ZNF221: variants seen among roughly 807,000 people sequenced by gnomAD.
ZNF221 encodes zinc finger protein 221.
ZNF221 carries 10 observed loss-of-function variants against 12.6 expected under a neutral mutation model. The observed-to-expected ratio is 0.79, with a 90% CI of 0.49 to 1.34. ZNF221 has a LOEUF of 1.34. Among genes scored for constraint, ZNF221 ranks in the 40% most tolerant of loss-of-function variants. The probability of loss-of-function intolerance (pLI) is 0.00; values close to 1 mark genes in which losing one functional copy is unlikely to be tolerated. For missense variants in ZNF221, 661 were observed against 721.4 expected, an observed-to-expected ratio of 0.92 and a Z score of 0.96; for synonymous variants, 232 against 244.0, an observed-to-expected ratio of 0.95 and a Z score of 0.46.
chr19:43,981,076 T>A, the ZNF221 span, among the ~76,000 whole-genome samples: 1 of 145,418 alleles, frequency 6.9e-6, no homozygotes, highest in Non-Finnish European at 1.5e-5. Context: ...GACCTTGTTC[T>A]AAAAAAAAAA....
chr19:43,976,814 G>C, the ZNF221 span: 1 of 152,074 alleles, frequency 6.6e-6, no homozygotes, highest in East Asian at 1.9e-4. Context: ...TTTATTGTTG[G>C]CCATAAGAAT....
chr19:43,962,659 G>A, intron 1 of ZNF221, 66 bp from the exon 2 acceptor site: 1 of 1,438,144 alleles, frequency 7.0e-7, no homozygotes, highest in Non-Finnish European at 9.8e-7. Flanking sequence ...ACTTGTCTAT[G>A]TTGGTGGTCG....
chr19:43,967,623 T>A lies in ZNF221; in HGVS notation c.*267T>A. The A allele has an allele frequency of 2.8e-6, 1 of 352,968 alleles. No homozygotes were observed. Among genetic ancestry groups the A allele is most frequent in the Non-Finnish European group, 5.1e-6 (1 of 194,906 alleles). The allele number at this position is 352,968 out of a possible 1,614,324, so 21.9% of individuals were successfully genotyped here. On this transcript the variant is annotated 3_prime_UTR_variant, in exon 5 of 5. Coordinates refer to ENST00000587682, the MANE Select transcript of ZNF221 (RefSeq NM_001297588.2). ...CCTCCCGAGTAGCTGGGACTACAGGTGCCCGCCACCACACCCAGCTAATTT... is the reference window on the plus strand; with the variant it reads ...CCTCCCGAGTAGCTGGGACTACAGGAGCCCGCCACCACACCCAGCTAATTT...
At chr19:43,980,297 A>T in the ZNF221 span, among the ~76,000 whole-genome samples, 3 of 152,210 alleles carry the variant, frequency 2.0e-5, no homozygotes, top group Non-Finnish European at 4.4e-5. Flanking sequence ...AACTGGAATT[A>T]CCTAACAGAA....
In ZNF221 at chr19:43,967,121, AG is replaced by A; in HGVS notation, c.1620del (p.Lys541ArgfsTer38). ...AAGCTATACAAATGTGAGCAGTGTG[AG>A]AAGGGGTACAACAGTAAATTTAATC... ...GEKLYKCEQC[E>X]KGYNSKFNLD... On this transcript the variant is annotated frameshift_variant, in exon 5 of 5. Coordinates refer to ENST00000587682, the MANE Select transcript of ZNF221 (RefSeq NM_001297588.2). LOFTEE classifies it low-confidence loss of function (END_TRUNC). 1 of 1,594,898 alleles carries A rather than the reference AG, an allele frequency of 6.3e-7. No individual in the cohort carries two copies.
the ZNF221 span, among the ~76,000 whole-genome samples, chr19:43,974,029 G>A: frequency 6.6e-6 from 1 of 152,146 alleles, no homozygotes; most frequent in African/African-American, 2.4e-5. Flanking sequence ...AACGAAAACA[G>A]CATAGTACTG....
Position 43,967,200 on chromosome 19 carries a change from A to G in ZNF221, c.1698A>G (p.Glu566=). The part of the protein sequence containing the change: ...HGGERPYNCK[E]CGKSFGWASC... ...GAGAGCGACCCTATAATTGTAAGGA[A>G]TGTGGAAAGAGCTTTGGCTGGGCTT... Residue 566 remains glutamate, a synonymous_variant, in exon 5 of 5, where the codon GAA becomes GAG. Transcript: ENST00000587682. 1 of 1,593,906 alleles carries G rather than the reference A, an allele frequency of 6.3e-7. No individual in the cohort carries two copies. Among genetic ancestry groups the G allele is most frequent in the Non-Finnish European group, 8.6e-7 (1 of 1,167,332 alleles).
chr19:43,954,798 A>G (rs1974729470), intron 1 of ZNF221, among the ~76,000 whole-genome samples: 1 of 152,078 alleles, frequency 6.6e-6, no homozygotes, highest in East Asian at 1.9e-4. Context: ...GAAAAAAAAA[A>G]GTGTAATCAT....
chr19:43,969,741 T>C (rs544988288), downstream of ZNF221, among the ~76,000 whole-genome samples: 35 of 152,314 alleles, frequency 2.3e-4, no homozygotes, highest in African/African-American at 8.2e-4. Context: ...GCCAGGCTTA[T>C]ACTGACAGAA....
chr19:43,965,920 A>G lies in ZNF221; in HGVS notation c.418A>G (p.Ile140Val), dbSNP rs1265978076. Residue 140 changes from isoleucine to valine, a missense_variant, in exon 5 of 5, where the codon ATA (isoleucine) becomes GTA (valine). Ile to Val is a conservative substitution (Grantham distance 29, BLOSUM62 3). Transcript: ENST00000587682. ...ASDLTRSQNSIRNSSQFFKEG... is the reference protein window; with the variant it reads ...ASDLTRSQNSVRNSSQFFKEG... ...TGACCTAACCAGGTCTCAAAACTCC[A>G]TAAGGAACAGCTCTCAGTTCTTCAA... 3.7e-6 allele frequency: 6 copies of G among 1,614,126 alleles called. No homozygotes were observed. In the African/African-American group the frequency reaches 4.0e-5, roughly 11 times the overall value.
At chr19:43,952,024 C>T (rs1974680915) in intron 1 of ZNF221, among the ~76,000 whole-genome samples, 1 of 151,440 alleles carries the variant, frequency 6.6e-6, no homozygotes, top group Admixed American at 6.6e-5. Context: ...CAGGCGCCCG[C>T]TACCACGCCC....
chr19:43,978,955 TTTG>T, the ZNF221 span, among the ~76,000 whole-genome samples: 6 of 146,040 alleles, frequency 4.1e-5, no homozygotes, highest in African/African-American at 1.3e-4. Context: ...TTTTTTTTTT[TTTG>T]ATACACTATG....
chr19:43,980,932 A>G, the ZNF221 span, among the ~76,000 whole-genome samples: 1 of 152,220 alleles, frequency 6.6e-6, no homozygotes, highest in African/African-American at 2.4e-5. Context: ...GCCAAAAGTG[A>G]TTAAAATGTT....
chr19:43,960,223 A>T (rs1368853005), intron 1 of ZNF221: 3 of 152,368 alleles, frequency 2.0e-5, no homozygotes, highest in East Asian at 1.9e-4. Flanking sequence ...GTGATAACTT[A>T]GGGTACCTGG....
the ZNF221 span, among the ~76,000 whole-genome samples, chr19:43,979,662 A>C: frequency 3.2e-3 from 481 of 152,256 alleles, 2 homozygotes; most frequent in African/African-American, 0.011. Context: ...TGTTTTTTGC[A>C]GTTGCTTAGC....
intron 1 of ZNF221, among the ~76,000 whole-genome samples, chr19:43,962,336 C>T (rs1490390391): frequency 6.6e-6 from 1 of 152,144 alleles, no homozygotes; most frequent in Non-Finnish European, 1.5e-5. Context: ...CTCATTCTCA[C>T]CTCAAATCTG....
chr19:43,966,571 T>A lies in ZNF221; in HGVS notation c.1069T>A (p.Ser357Thr), dbSNP rs1317457004. The A allele has an allele frequency of 2.5e-6, 4 of 1,614,026 alleles. No individual in the cohort carries two copies. Among genetic ancestry groups the A allele is most frequent in the South Asian group, 2.2e-5 (2 of 91,082 alleles). The change falls in exon 5 of 5, where the codon TCC becomes ACC. Residue 357 changes from serine (S) to threonine (T), a missense_variant. Physicochemically the swap from Ser to Thr is moderately conservative, Grantham distance 58. Coordinates refer to ENST00000587682, the MANE Select transcript of ZNF221 (RefSeq NM_001297588.2). Reference sequence around the variant, plus strand: ...TCAGAGATCAGCACTTAATAGTCATTCCATGGTCCACATAGAAGAGAAGCC... The same window carrying A: ...TCAGAGATCAGCACTTAATAGTCATACCATGGTCCACATAGAAGAGAAGCC... The part of the protein sequence containing the change: ...FRQRSALNSH[S>T]MVHIEEKPYK...
the ZNF221 span, among the ~76,000 whole-genome samples, chr19:43,976,136 A>G: frequency 0.26 from 40,005 of 151,926 alleles, 5,688 homozygotes; most frequent in Middle Eastern, 0.39. Flanking sequence ...GGCTCAGGCA[A>G]TCCTCCTACC....
rs148183558 is a variant in ZNF221 at position 43,964,234 on chromosome 19, T to C, written c.82-716T>C. ...AGTCTTTGCCACACAGTTTTCCCAA[T>C]GCTATATATATTTCCTTCTTTAATC... is the stretch of plus-strand genomic sequence containing the variant. On this transcript the variant is annotated intron_variant, in intron 2 of 4. Coordinates refer to ENST00000587682, the MANE Select transcript of ZNF221 (RefSeq NM_001297588.2). 7.6e-3 allele frequency among the ~76,000 whole-genome samples: 1,164 copies of C among 152,312 alleles called. 17 individuals are homozygous for C. The highest frequency in any genetic ancestry group is 0.026 in the African/African-American group (1,082 of 41,576).
Sources: allele counts gnomAD v4.1 joint callset (sites outside exome capture counted in the v4.1 genomes callset), GRCh38; gene constraint gnomAD v4.1.1; transcripts MANE v1.5; gene names NCBI Gene and HGNC (gene_info 2026-07-23, HGNC 2026-07-21).